GLIS3: variants seen among roughly 807,000 people sequenced by gnomAD.
GLIS3 encodes GLIS family zinc finger 3.
In GLIS3, 53 loss-of-function variants were observed where a neutral mutation model predicts 78.6. The observed-to-expected ratio is 0.67, with a 90% CI of 0.54 to 0.85. The LOEUF (loss-of-function observed/expected upper bound fraction) is 0.85. Ranked by LOEUF, GLIS3 falls within the 40% of genes least tolerant of loss-of-function variation. GLIS3 has a pLI of 0.00. For synonymous variants in GLIS3, 684 were observed against 509.9 expected, an observed-to-expected ratio of 1.34 and a Z score of -4.60; for missense variants, 1,703 against 1,231.1, an observed-to-expected ratio of 1.38 and a Z score of -5.74.
At chr9:4,244,936 A>G (rs964751833) in intron 2 of GLIS3, among the ~76,000 whole-genome samples, 1 of 152,212 alleles carries the variant, frequency 6.6e-6, no homozygotes, top group African/African-American at 2.4e-5. Context: ...AATATTTTTA[A>G]GTTCTCATTC....
chr9:4,159,875 C>T (rs1835346042), intron 2 of GLIS3, among the ~76,000 whole-genome samples: 1 of 152,100 alleles, frequency 6.6e-6, no homozygotes, highest in Non-Finnish European at 1.5e-5. Flanking sequence ...AATAGGGTTT[C>T]CAAAGTAACT....
intron 2 of GLIS3, chr9:4,145,145 G>A (rs992168603): frequency 6.6e-6 from 1 of 152,186 alleles, no homozygotes; most frequent in Non-Finnish European, 1.5e-5. Flanking sequence ...CTGAAAACTG[G>A]TGAATCAACT....
At chr9:3,985,107 A>AC (rs1370418760) in intron 4 of GLIS3, among the ~76,000 whole-genome samples, 2 of 151,706 alleles carry the variant, frequency 1.3e-5, no homozygotes, top group African/African-American at 4.9e-5. Context: ...AAAAAAAAAA[A>AC]AACCCATTTT....
chr9:4,305,208 G>C (rs1185758212), intron 4 of GLIS3: 1 of 152,142 alleles, frequency 6.6e-6, no homozygotes, highest in Non-Finnish European at 1.5e-5. Flanking sequence ...ACCTTTTCAG[G>C]GCAGGAAACC....
intron 4 of GLIS3, among the ~76,000 whole-genome samples, chr9:4,086,900 C>T (rs1049702553): frequency 1.2e-4 from 19 of 152,194 alleles, no homozygotes; most frequent in Non-Finnish European, 2.1e-4. Flanking sequence ...TAACTGATAA[C>T]GGCATGATTT....
the GLIS3 span, among the ~76,000 whole-genome samples, chr9:4,407,187 T>C: frequency 4.6e-4 from 70 of 152,254 alleles, no homozygotes; most frequent in African/African-American, 1.3e-3. Context: ...AGAACATATA[T>C]TGGGAAAAGA....
intron 2 of GLIS3, among the ~76,000 whole-genome samples, chr9:4,243,398 G>GCACACACA (rs33922569): frequency 6.6e-6 from 1 of 150,900 alleles, no homozygotes; most frequent in Non-Finnish European, 1.5e-5. Flanking sequence ...ACACATACAC[G>GCACACACA]CACACACACA....
At chr9:3,908,037 G>A (rs1823843084) in intron 6 of GLIS3, among the ~76,000 whole-genome samples, 1 of 152,176 alleles carries the variant, frequency 6.6e-6, no homozygotes, top group Non-Finnish European at 1.5e-5. Flanking sequence ...GGGGTGTTCT[G>A]AACCATCCCG....
chr9:4,094,415 A>C (rs953678893), intron 4 of GLIS3, among the ~76,000 whole-genome samples: 10 of 152,176 alleles, frequency 6.6e-5, no homozygotes, highest in African/African-American at 2.4e-4. Context: ...TACTCTAAAT[A>C]AAATATACTT....
At position 3,826,348 on chromosome 9, in the gene GLIS3, C is replaced by T. The variant is rs1817723514; in HGVS notation, c.*1924G>A. 6.6e-6 allele frequency: 1 copy of T among 152,168 alleles called. No homozygotes were observed. Among genetic ancestry groups the T allele is most frequent in the Admixed American group, 6.5e-5 (1 of 15,284 alleles). 9.4% of individuals were successfully genotyped at this position (152,168 alleles called of 1,614,324 possible). On this transcript the variant is annotated 3_prime_UTR_variant, in exon 11 of 11. Transcript: ENST00000381971. ...CTGTGAGCATGCATATGTTAGGCCACTTGTTTAGGCCAAGTGACACGACCC... is the reference window on the plus strand; with the variant it reads ...CTGTGAGCATGCATATGTTAGGCCATTTGTTTAGGCCAAGTGACACGACCC...
At chr9:4,065,119 C>T (rs561963302) in intron 4 of GLIS3, among the ~76,000 whole-genome samples, 5 of 152,246 alleles carry the variant, frequency 3.3e-5, no homozygotes, top group African/African-American at 9.6e-5. Context: ...TTTCTTCTGT[C>T]GGCCTAGATT....
chr9:4,204,301 C>A (rs10814879), intron 2 of GLIS3, among the ~76,000 whole-genome samples: 46,908 of 151,922 alleles, frequency 0.31, 7,369 homozygotes, highest in East Asian at 0.37. Flanking sequence ...CATCCCAATG[C>A]CTTCTAGAAA....
chr9:4,381,689 G>A, the GLIS3 span, among the ~76,000 whole-genome samples: 1 of 152,306 alleles, frequency 6.6e-6, no homozygotes, highest in South Asian at 2.1e-4. Flanking sequence ...TCTACCTGCT[G>A]CCCCTGAGCT....
In GLIS3 at chr9:4,286,124, G is replaced by T; in HGVS notation, c.302C>A (p.Thr101Asn). The T allele has an allele frequency of 6.2e-7, 1 of 1,613,644 alleles. No individual in the cohort carries two copies. ...TGACCCTGACATGCCTCCAGCCTGG[G>T]TGACCTGGAATCGCGGCTTCCCATT... ...LTNGKPRFQV[T>N]QAGGMSGSHT... is the part of the protein sequence containing the mutation. Residue 101 changes from threonine to asparagine, a missense_variant, in exon 2 of 11, where the codon ACC (threonine) becomes AAC (asparagine). Coordinates refer to ENST00000381971, the MANE Select transcript of GLIS3 (RefSeq NM_001042413.2).
At chr9:4,260,730 G>A (rs764581300) in intron 2 of GLIS3, among the ~76,000 whole-genome samples, 1 of 151,862 alleles carries the variant, frequency 6.6e-6, no homozygotes, top group Non-Finnish European at 1.5e-5. Flanking sequence ...TGGTGACAGA[G>A]CAAGACTCCG....
chr9:4,171,280 A>G (rs1171361331), intron 2 of GLIS3, among the ~76,000 whole-genome samples: 1 of 152,236 alleles, frequency 6.6e-6, no homozygotes. Context: ...CAGAGAATCT[A>G]GGGAATAGCT....
intron 2 of GLIS3, among the ~76,000 whole-genome samples, chr9:4,244,683 T>C (rs886472037): frequency 7.2e-5 from 11 of 152,132 alleles, no homozygotes; most frequent in African/African-American, 2.7e-4. Context: ...CAAGTGATTC[T>C]CCTGCCTCAA....
chr9:3,847,465 A>T (rs1179966337), intron 9 of GLIS3, among the ~76,000 whole-genome samples: 1 of 152,256 alleles, frequency 6.6e-6, no homozygotes, highest in African/African-American at 2.4e-5. Flanking sequence ...CCCTGTCCTG[A>T]GACTTACAAT....
intron 4 of GLIS3, among the ~76,000 whole-genome samples, chr9:4,028,263 G>A (rs1563963160): frequency 6.6e-6 from 1 of 152,068 alleles, no homozygotes; most frequent in African/African-American, 2.4e-5. Context: ...ACATCACTTC[G>A]CAGGACTGCT....
Sources: gnomAD v4.1 joint callset for allele counts (sites outside exome capture counted in the v4.1 genomes callset) on GRCh38, gnomAD v4.1.1 for gene constraint, MANE v1.5 for transcripts, NCBI Gene and HGNC (gene_info 2026-07-23, HGNC 2026-07-21) for gene names.